SPATS2L: variants seen among roughly 807,000 people sequenced by gnomAD.
SPATS2L encodes the protein spermatogenesis associated serine rich 2 like.
Under a neutral mutation model 59.6 loss-of-function variants are expected in SPATS2L, and 30 were observed. The observed-to-expected ratio is 0.50, with a 90% CI of 0.38 to 0.68. SPATS2L has a LOEUF of 0.68. SPATS2L is among the 30% of genes least tolerant of loss of function. The pLI, the probability that SPATS2L is intolerant of heterozygous loss-of-function variation, is 0.00. For synonymous variants in SPATS2L, 252 were observed against 263.5 expected, an observed-to-expected ratio of 0.96 and a Z score of 0.42; for missense variants, 615 against 700.0, an observed-to-expected ratio of 0.88 and a Z score of 1.37.
At chr2:200,471,836 G>A (rs2087066519) in intron 11 of SPATS2L, among the ~76,000 whole-genome samples, 1 of 152,160 alleles carries the variant, frequency 6.6e-6, no homozygotes, top group Non-Finnish European at 1.5e-5. Context: ...AGAACCCTGG[G>A]ATTAAATCTG....
rs6723687 is a variant in SPATS2L, at chr2:200,472,944, A to G, written c.1173A>G (p.Ser391=). ...AACAGAGTAACTTTTCCCGAAAATC[A>G]TCCACTCACAATAAGCCCTCTGAAG... ...SGKQSNFSRK[S]STHNKPSEGK... is the part of the protein sequence containing the mutation. The change falls in exon 12 of 13, where the codon TCA becomes TCG. Residue 391 remains serine (S), a synonymous_variant. Coordinates refer to ENST00000409140, the MANE Select transcript of SPATS2L (RefSeq NM_001100423.2). 6 of 1,613,758 alleles carry G rather than the reference A, an allele frequency of 3.7e-6. No individual in the cohort carries two copies. Among genetic ancestry groups the G allele is most frequent in the South Asian group, 2.2e-5 (2 of 91,066 alleles).
intron 6 of SPATS2L, among the ~76,000 whole-genome samples, chr2:200,431,014 G>A (rs933643515): frequency 2.6e-5 from 4 of 152,074 alleles, no homozygotes; most frequent in South Asian, 4.2e-4. Context: ...CATCGCACCC[G>A]GCCTCCATTG....
chr2:200,473,687 A>G (rs1198061037), intron 12 of SPATS2L, among the ~76,000 whole-genome samples: 1 of 152,084 alleles, frequency 6.6e-6, no homozygotes, highest in Non-Finnish European at 1.5e-5. Context: ...TTTCCCCCTT[A>G]TCCTTAGAGA....
chr2:200,401,739 A>G (rs934727146), intron 3 of SPATS2L, among the ~76,000 whole-genome samples: 1 of 152,086 alleles, frequency 6.6e-6, no homozygotes, highest in Non-Finnish European at 1.5e-5. Context: ...CCCAGATTTG[A>G]TATCTGGAGT....
intron 3 of SPATS2L, among the ~76,000 whole-genome samples, chr2:200,392,206 A>G (rs1285963780): frequency 1.3e-5 from 2 of 152,124 alleles, no homozygotes; most frequent in Non-Finnish European, 2.9e-5. Flanking sequence ...AGGTGATTAG[A>G]GGGTTGGAAT....
At chr2:200,421,400 G>A (rs1236915915) in intron 6 of SPATS2L, among the ~76,000 whole-genome samples, 1 of 152,198 alleles carries the variant, frequency 6.6e-6, no homozygotes, top group Non-Finnish European at 1.5e-5. Flanking sequence ...CCAAAGATGA[G>A]TAAGACACAT....
chr2:200,476,480 G>A (rs1169145613), intron 12 of SPATS2L, among the ~76,000 whole-genome samples: 1 of 152,224 alleles, frequency 6.6e-6, no homozygotes, highest in Non-Finnish European at 1.5e-5. Flanking sequence ...TTTTGAACAG[G>A]AAATTTTCCT....
chr2:200,350,334 T>C (rs2105842146), intron 2 of SPATS2L, among the ~76,000 whole-genome samples: 1 of 152,190 alleles, frequency 6.6e-6, no homozygotes, highest in African/African-American at 2.4e-5. Flanking sequence ...GCCATTTTTG[T>C]CTCATCTTCT....
chr2:200,344,678 C>G (rs2080451921), intron 2 of SPATS2L, among the ~76,000 whole-genome samples: 1 of 152,160 alleles, frequency 6.6e-6, no homozygotes, highest in African/African-American at 2.4e-5. Flanking sequence ...CTAATTTACA[C>G]TCCCACCAAC....
chr2:200,346,539 A>T (rs1435336783), intron 2 of SPATS2L, among the ~76,000 whole-genome samples: 2 of 152,156 alleles, frequency 1.3e-5, no homozygotes, highest in African/African-American at 4.8e-5. Flanking sequence ...TGGTCCAATA[A>T]ACTATTGTTT....
intron 2 of SPATS2L, among the ~76,000 whole-genome samples, chr2:200,375,376 T>G (rs1185072386): frequency 6.6e-6 from 1 of 152,190 alleles, no homozygotes; most frequent in African/African-American, 2.4e-5. Context: ...GTCTAGTGAC[T>G]TTATCCTGGG....
Position 200,477,911 on chromosome 2 carries a change from G to A in SPATS2L, c.1557G>A (p.Glu519=), listed in dbSNP as rs2087669448. ...GGCAGCACGCTGCAGACACCTCGGA[G>A]GCCAGGCCCTTCCGGGGTAGTGTCG... ...RRRQHAADTS[E]ARPFRGSVGR... is the part of the protein sequence containing the mutation. The change falls in exon 13 of 13, where the codon GAG becomes GAA. Residue 519 remains glutamate, a synonymous_variant. Coordinates refer to ENST00000409140, the MANE Select transcript of SPATS2L (RefSeq NM_001100423.2). 1 of 1,612,200 alleles carries A rather than the reference G, an allele frequency of 6.2e-7. No homozygotes were observed. The highest frequency in any genetic ancestry group is 1.3e-5 in the African/African-American group (1 of 74,906).
chr2:200,313,434 G>A (rs528490505), intron 1 of SPATS2L, among the ~76,000 whole-genome samples: 110 of 152,272 alleles, frequency 7.2e-4, no homozygotes, highest in African/African-American at 2.4e-3. Context: ...ATGTTTTGCA[G>A]TGGTAATCTG....
intron 2 of SPATS2L, among the ~76,000 whole-genome samples, chr2:200,375,758 C>G (rs2081577955): frequency 6.6e-6 from 1 of 152,154 alleles, no homozygotes; most frequent in African/African-American, 2.4e-5. Context: ...TCCCTAGTAG[C>G]TGGGACTACA....
chr2:200,446,664 T>C (rs2085069130), intron 8 of SPATS2L, among the ~76,000 whole-genome samples: 1 of 152,152 alleles, frequency 6.6e-6, no homozygotes, highest in Non-Finnish European at 1.5e-5. Flanking sequence ...TCATTTGTCC[T>C]GCCACCTCGG....
intron 1 of SPATS2L, among the ~76,000 whole-genome samples, chr2:200,325,405 G>C (rs977718107): frequency 1.4e-4 from 22 of 152,100 alleles, no homozygotes; most frequent in Non-Finnish European, 3.1e-4. Context: ...TTTAGACAGA[G>C]TCTCACTCTG....
chr2:200,439,388 A>G, intron 7 of SPATS2L, 60 bp downstream of exon 7: 2 of 1,415,066 alleles, frequency 1.4e-6, no homozygotes, highest in East Asian at 4.6e-5. Context: ...GAAAAGTGCC[A>G]GAGTGACAGA....
chr2:200,380,707 A>T (rs914984665), intron 2 of SPATS2L, among the ~76,000 whole-genome samples: 17 of 152,270 alleles, frequency 1.1e-4, no homozygotes, highest in East Asian at 1.9e-4. Flanking sequence ...TAAATGTGAA[A>T]TTTTTTTCTG....
At chr2:200,423,443 G>T (rs185699079) in intron 6 of SPATS2L, among the ~76,000 whole-genome samples, 1 of 152,214 alleles carries the variant, frequency 6.6e-6, no homozygotes, top group East Asian at 1.9e-4. Context: ...TTTAATCCTG[G>T]CTCCCCACTT....
Sources: allele counts gnomAD v4.1 joint callset (sites outside exome capture counted in the v4.1 genomes callset), GRCh38; gene constraint gnomAD v4.1.1; transcripts MANE v1.5; gene names NCBI Gene and HGNC (gene_info 2026-07-23, HGNC 2026-07-21).